The following POC1B variants were observed in gnomAD, a reference collection of about 807,000 sequenced individuals.
POC1B encodes the protein POC1 centriolar protein B.
POC1B carries 44 observed loss-of-function variants against 60.6 expected under a neutral mutation model. The observed-to-expected ratio is 0.73, with a 90% CI of 0.57 to 0.93. The LOEUF is 0.93. Ranked by LOEUF, POC1B falls within the 40% of genes least tolerant of loss-of-function variation. The probability of loss-of-function intolerance (pLI) is 0.00; values close to 1 mark genes in which losing one functional copy is unlikely to be tolerated. For synonymous variants in POC1B, 180 were observed against 198.9 expected, an observed-to-expected ratio of 0.90 and a Z score of 0.80; for missense variants, 555 against 572.3, an observed-to-expected ratio of 0.97 and a Z score of 0.31.
At chr12:89,411,535 G>A in the POC1B span, among the ~76,000 whole-genome samples, 3 of 152,182 alleles carry the variant, frequency 2.0e-5, no homozygotes, top group African/African-American at 7.2e-5. Flanking sequence ...CCTTTCAAAT[G>A]TATTTTTCAG....
intron 2 of POC1B, chr12:89,523,762 G>T (rs1679837381): frequency 1.9e-6 from 3 of 1,540,516 alleles, no homozygotes; most frequent in Non-Finnish European, 1.7e-6. Context: ...GAATTCAAAA[G>T]TATTCCAATC....
In POC1B at chr12:89,472,280, AAAGAAGAAGAAAG is replaced by A. The variant is rs1470412218; in HGVS notation, c.453-18_453-6del. The A allele has an allele frequency of 1.1e-4, 46 of 407,336 alleles. No individual in the cohort carries two copies. The highest frequency in any genetic ancestry group is 1.5e-4 in the Non-Finnish European group (45 of 305,448). The allele number at this position is 407,336 out of a possible 1,614,324, so 25.2% of individuals were successfully genotyped here. ...AGTCTTCCATCGGGTGAAAATCTAG[AAAGAAGAAGAAAG>A]AAGATGTTTTATGTGAAAGGCTCTG... is the stretch of plus-strand genomic sequence containing the variant. On this transcript the variant is annotated splice_polypyrimidine_tract_variant and splice_region_variant and intron_variant, in intron 4 of 11. Coordinates refer to ENST00000313546, the MANE Select transcript of POC1B (RefSeq NM_172240.3).
At chr12:89,418,904 G>A (rs1880419756), downstream of POC1B, among the ~76,000 whole-genome samples, 1 of 152,018 alleles carries the variant, frequency 6.6e-6, no homozygotes, top group African/African-American at 2.4e-5. Flanking sequence ...CAACACAAAG[G>A]GAATAAGATA....
chr12:89,496,153 G>A (rs551438919), intron 3 of POC1B, among the ~76,000 whole-genome samples: 1 of 152,216 alleles, frequency 6.6e-6, no homozygotes, highest in South Asian at 2.1e-4. Context: ...CATCTGGGTT[G>A]AAGGGAGACA....
intron 3 of POC1B, among the ~76,000 whole-genome samples, chr12:89,493,820 T>C (rs1435321494): frequency 1.3e-5 from 2 of 152,246 alleles, no homozygotes; most frequent in Non-Finnish European, 2.9e-5. Context: ...AACCAAGCAC[T>C]GGATCCAGTC....
chr12:89,432,752 T>C (rs910273706), intron 10 of POC1B, among the ~76,000 whole-genome samples: 3 of 152,220 alleles, frequency 2.0e-5, no homozygotes, highest in African/African-American at 7.2e-5. Context: ...CCTATCAGAC[T>C]TTCAAGGGGA....
intron 10 of POC1B, among the ~76,000 whole-genome samples, chr12:89,452,147 G>C (rs1413966302): frequency 6.6e-6 from 1 of 152,102 alleles, no homozygotes; most frequent in African/African-American, 2.4e-5. Context: ...GAGAGCTGTC[G>C]GGCATTTTCA....
intron 2 of POC1B, chr12:89,522,092 A>C: frequency 2.5e-6 from 1 of 399,028 alleles, no homozygotes; most frequent in East Asian, 3.6e-5. Flanking sequence ...CAGCTTACAA[A>C]ATCAGAGGAA....
chr12:89,478,254 G>A (rs891900398), intron 4 of POC1B, among the ~76,000 whole-genome samples: 1 of 152,180 alleles, frequency 6.6e-6, no homozygotes, highest in Non-Finnish European at 1.5e-5. Context: ...AGGTAGCTGG[G>A]ATTACAGGCA....
At chr12:89,484,664 C>G (rs1334747677) in intron 4 of POC1B, among the ~76,000 whole-genome samples, 2 of 152,142 alleles carry the variant, frequency 1.3e-5, no homozygotes, top group Non-Finnish European at 2.9e-5. Flanking sequence ...TGTGATGTGC[C>G]CAAGTAACAT....
At chr12:89,486,177 G>C (rs1868623728) in intron 4 of POC1B, among the ~76,000 whole-genome samples, 1 of 152,178 alleles carries the variant, frequency 6.6e-6, no homozygotes, top group Admixed American at 6.5e-5. Flanking sequence ...ATTTTCTGCT[G>C]TATTCATACA....
intron 4 of POC1B, among the ~76,000 whole-genome samples, chr12:89,483,615 G>A (rs940228435): frequency 6.6e-6 from 1 of 152,134 alleles, no homozygotes. Context: ...CACCTTTGGG[G>A]TATGGATTTC....
chr12:89,488,999 T>C (rs1440287448), intron 4 of POC1B, among the ~76,000 whole-genome samples: 2 of 152,148 alleles, frequency 1.3e-5, no homozygotes, highest in African/African-American at 2.4e-5. Context: ...GCTCTCTGCC[T>C]CCTCTTCTTA....
intron 9 of POC1B, among the ~76,000 whole-genome samples, chr12:89,465,683 G>C (rs555922782): frequency 1.3e-5 from 2 of 151,984 alleles, no homozygotes; most frequent in Non-Finnish European, 2.9e-5. Flanking sequence ...GTAGTACAAA[G>C]AAGTGGTAAC....
At chr12:89,475,775 T>C (rs998450933) in intron 4 of POC1B, among the ~76,000 whole-genome samples, 3 of 152,148 alleles carry the variant, frequency 2.0e-5, no homozygotes, top group Non-Finnish European at 2.9e-5. Context: ...AAGATGAATA[T>C]TACATTAGTC....
At chr12:89,482,172 G>C (rs571256130) in intron 4 of POC1B, among the ~76,000 whole-genome samples, 1 of 152,168 alleles carries the variant, frequency 6.6e-6, no homozygotes, top group South Asian at 2.1e-4. Context: ...GAAAAGACGG[G>C]CATCATGGGC....
At position 89,421,216 on chromosome 12, in the gene POC1B, A is replaced by G; in HGVS notation, c.1374T>C (p.Asp458=). The G allele has an allele frequency of 1.9e-6, 3 of 1,603,536 alleles. No homozygotes were observed. The highest frequency in any genetic ancestry group is 2.6e-6 in the Non-Finnish European group (3 of 1,171,856). The part of the protein sequence containing the change: ...ILEQRLTLTE[D]KLKDCLENQQ... ...GATTTTCAAGGCAGTCTTTCAGCTT[A>G]TCCTCTGTCAAAGTCAGTCGCTGCT... Residue 458 remains aspartate, a synonymous_variant, in exon 12 of 12, where the codon GAT becomes GAC. Transcript: ENST00000313546.
intron 3 of POC1B, among the ~76,000 whole-genome samples, chr12:89,494,189 A>G (rs988099052): frequency 1.3e-5 from 2 of 152,032 alleles, no homozygotes; most frequent in Non-Finnish European, 2.9e-5. Context: ...ATAGGTGTGC[A>G]TCACCATGCC....
chr12:89,430,208 A>G (rs1880970687), intron 10 of POC1B, among the ~76,000 whole-genome samples: 1 of 152,342 alleles, frequency 6.6e-6, no homozygotes, highest in Middle Eastern at 3.4e-3. Flanking sequence ...GAAATGGAGT[A>G]AAAGATACAG....
Sources: allele counts gnomAD v4.1 joint callset (sites outside exome capture counted in the v4.1 genomes callset), GRCh38; gene constraint gnomAD v4.1.1; transcripts MANE v1.5; gene names NCBI Gene and HGNC (gene_info 2026-07-23, HGNC 2026-07-21).